Variants in CCSER1 observed in about 807,000 individuals in gnomAD.
CCSER1 encodes coiled-coil serine rich protein 1, also known as serine-rich coiled-coil domain-containing protein 1.
In CCSER1, 41 loss-of-function variants were observed where a neutral mutation model predicts 82.0. That is an observed-to-expected ratio of 0.50 (90% CI 0.39 to 0.65). The LOEUF is 0.65. Ranked by LOEUF, CCSER1 falls within the 30% of genes least tolerant of loss-of-function variation. The probability of loss-of-function intolerance (pLI) is 0.00; values close to 1 mark genes in which losing one functional copy is unlikely to be tolerated. For synonymous variants in CCSER1, 414 were observed against 383.9 expected, an observed-to-expected ratio of 1.08 and a Z score of -0.92; for missense variants, 1,119 against 1,064.2, an observed-to-expected ratio of 1.05 and a Z score of -0.72.
chr4:91,178,105 A>G (rs1439965511), intron 10 of CCSER1, among the ~76,000 whole-genome samples: 1 of 152,150 alleles, frequency 6.6e-6, no homozygotes, highest in African/African-American at 2.4e-5. Context: ...TTCAGTTTCC[A>G]TGTAGTTGAG....
chr4:90,363,006 AAACAT>A (rs1745635458), intron 3 of CCSER1, among the ~76,000 whole-genome samples: 1 of 152,168 alleles, frequency 6.6e-6, no homozygotes, highest in South Asian at 2.1e-4. Context: ...TTTATTTATT[AAACAT>A]TTAATGTTGT....
At chr4:90,315,134 G>A (rs867785152) in intron 3 of CCSER1, among the ~76,000 whole-genome samples, 13 of 152,240 alleles carry the variant, frequency 8.5e-5, no homozygotes, top group African/African-American at 2.2e-4. Flanking sequence ...ACAAGCGTGA[G>A]CCACCACGCT....
At position 90,514,678 on chromosome 4, in the gene CCSER1, C is replaced by T. The variant is rs181587990; in HGVS notation, c.1724+46324C>T. Among the ~76,000 whole-genome samples, 122 of 151,800 alleles carry T rather than the reference C, an allele frequency of 8.0e-4. 1 individual carries two copies. The highest frequency in any genetic ancestry group is 6.1e-3 in the Admixed American group (93 of 15,246). On this transcript the variant is annotated intron_variant, in intron 5 of 10. Transcript: ENST00000509176. ...GGCTGAGGCAGGAGAATCACTTGAA[C>T]GCAGGAGGCGGAGGTTACAGTGAGC...
intron 10 of CCSER1, among the ~76,000 whole-genome samples, chr4:91,507,179 T>C (rs560137496): frequency 1.3e-5 from 2 of 152,294 alleles, no homozygotes; most frequent in African/African-American, 4.8e-5. Flanking sequence ...GGTAACTTTA[T>C]ATTTAACATT....
chr4:90,565,971 C>T (rs1779321256), intron 5 of CCSER1, among the ~76,000 whole-genome samples: 1 of 151,616 alleles, frequency 6.6e-6, no homozygotes, highest in African/African-American at 2.4e-5. Flanking sequence ...AGTGATTCTC[C>T]TGCCTCATCC....
chr4:90,795,590 C>T (rs1268531017), intron 7 of CCSER1, among the ~76,000 whole-genome samples: 2 of 152,182 alleles, frequency 1.3e-5, no homozygotes, highest in Non-Finnish European at 2.9e-5. Flanking sequence ...CAGGAGAATG[C>T]TTCCAGCTTT....
intron 8 of CCSER1, among the ~76,000 whole-genome samples, chr4:90,840,225 A>C (rs1193897911): frequency 5.9e-5 from 9 of 152,138 alleles, no homozygotes; most frequent in Non-Finnish European, 1.0e-4. Flanking sequence ...ACCAATATCT[A>C]ATATTAAATG....
At position 90,655,330 on chromosome 4, in the gene CCSER1, T is replaced by A. The variant is rs993803214; in HGVS notation, c.1932+27098T>A. On this transcript the variant is annotated intron_variant, in intron 6 of 10. Transcript: ENST00000509176. The stretch of plus-strand genomic sequence containing the variant: ...TAAAAGATAGATTTTTATTAAAAAA[T>A]TTCTGTAGCACATTTTGTGGTGTGT... Among the ~76,000 whole-genome samples, 10 of 152,048 alleles carry A rather than the reference T, an allele frequency of 6.6e-5. No individual in the cohort carries two copies. The South Asian group carries it at 1.0e-3, about 16-fold the overall frequency.
chr4:90,178,240 AT>A (rs1429740870), intron 1 of CCSER1, among the ~76,000 whole-genome samples: 18 of 152,220 alleles, frequency 1.2e-4, no homozygotes, highest in African/African-American at 3.9e-4. Context: ...TATTCCTAGG[AT>A]TTTTCAGAGT....
At chr4:91,374,562 C>T (rs1239794071) in intron 10 of CCSER1, among the ~76,000 whole-genome samples, 7 of 152,324 alleles carry the variant, frequency 4.6e-5, no homozygotes, top group South Asian at 4.1e-4. Context: ...TATTACTACT[C>T]ATTGACAATG....
rs545548018 is a variant in CCSER1, at chr4:90,185,864, A to G, written c.-42+58033A>G. ...CAATGGAAGATATTTTGTTTTCACA[A>G]AGGATTACTACATCCCTCATTAGAG... On this transcript the variant is annotated intron_variant, in intron 1 of 10. Transcript: ENST00000509176. Among the ~76,000 whole-genome samples the G allele has an allele frequency of 3.3e-5, 5 of 152,168 alleles. No homozygotes were observed. The South Asian group carries it at 1.0e-3, about 32-fold the overall frequency.
chr4:91,084,909 T>A (rs1459923555), intron 9 of CCSER1, among the ~76,000 whole-genome samples: 1 of 152,066 alleles, frequency 6.6e-6, no homozygotes, highest in Admixed American at 6.6e-5. Context: ...CTGAAAATTT[T>A]TTAAACATAA....
At chr4:90,481,792 T>C (rs1248011195) in intron 5 of CCSER1, among the ~76,000 whole-genome samples, 2 of 152,232 alleles carry the variant, frequency 1.3e-5, no homozygotes, top group African/African-American at 4.8e-5. Flanking sequence ...TTGAGGATTT[T>C]TGCATTAATG....
chr4:90,370,853 T>C (rs560233901), intron 3 of CCSER1, among the ~76,000 whole-genome samples: 2 of 152,196 alleles, frequency 1.3e-5, no homozygotes, highest in South Asian at 4.2e-4. Context: ...CTTTTTCCTT[T>C]GAAGTATTTA....
chr4:90,691,963 A>G (rs1356869573), intron 6 of CCSER1, among the ~76,000 whole-genome samples: 1 of 151,242 alleles, frequency 6.6e-6, no homozygotes, highest in Non-Finnish European at 1.5e-5. Context: ...TTCTGGAAGA[A>G]CACACCAAAA....
intron 10 of CCSER1, among the ~76,000 whole-genome samples, chr4:91,434,662 T>C (rs528162104): frequency 1.3e-4 from 20 of 152,228 alleles, no homozygotes; most frequent in Admixed American, 9.8e-4. Context: ...TTCTGTTTTA[T>C]CTATTTTATC....
chr4:90,870,374 C>G (rs376330120), intron 8 of CCSER1, among the ~76,000 whole-genome samples: 1 of 151,582 alleles, frequency 6.6e-6, no homozygotes, highest in African/African-American at 2.4e-5. Flanking sequence ...TCTTATTTAC[C>G]CAGTTTTTTT....
chr4:90,269,274 A>G (rs1380994687), intron 1 of CCSER1, among the ~76,000 whole-genome samples: 2 of 152,162 alleles, frequency 1.3e-5, no homozygotes, highest in African/African-American at 2.4e-5. Context: ...AGGATAGACC[A>G]TATGTTAGGT....
At chr4:90,987,828 G>A (rs1349960849) in intron 9 of CCSER1, among the ~76,000 whole-genome samples, 1 of 151,670 alleles carries the variant, frequency 6.6e-6, no homozygotes, top group Non-Finnish European at 1.5e-5. Flanking sequence ...AAGTACTGCT[G>A]TAACAAAATC....
Sources: gnomAD v4.1 joint callset for allele counts (sites outside exome capture counted in the v4.1 genomes callset) on GRCh38, gnomAD v4.1.1 for gene constraint, MANE v1.5 for transcripts, NCBI Gene and HGNC (gene_info 2026-07-23, HGNC 2026-07-21) for gene names.